Variants in MECOM observed in about 807,000 individuals in gnomAD.
MECOM encodes histone-lysine N-methyltransferase MECOM.
In MECOM, 13 loss-of-function variants were observed where a neutral mutation model predicts 116.3. The ratio of observed to expected loss-of-function variants is 0.11; its 90% CI spans 0.07 to 0.18. The LOEUF (loss-of-function observed/expected upper bound fraction) is 0.18, where lower values mean the gene tolerates loss of function less well. Ranked by LOEUF, MECOM falls within the 10% of genes least tolerant of loss-of-function variation. The pLI, the probability that MECOM is intolerant of heterozygous loss-of-function variation, is 1.00. For synonymous variants in MECOM, 528 were observed against 535.2 expected (o/e 0.99, Z 0.19); for missense variants, 1,299 against 1,509.0 (o/e 0.86, Z 2.31).
chr3:169,385,484 T>G (rs1318949900), intron 1 of MECOM, among the ~76,000 whole-genome samples: 1 of 152,050 alleles, frequency 6.6e-6, no homozygotes, highest in Non-Finnish European at 1.5e-5. Flanking sequence ...TCATCCAAAT[T>G]AAATGTAAAA....
intron 1 of MECOM, among the ~76,000 whole-genome samples, chr3:169,615,949 C>T (rs754571003): frequency 5.3e-5 from 8 of 152,220 alleles, no homozygotes; most frequent in Non-Finnish European, 1.0e-4. Flanking sequence ...AAAGTGTTAT[C>T]TCAAGTTTCA....
At chr3:169,628,259 G>T (rs1771627854) in intron 1 of MECOM, among the ~76,000 whole-genome samples, 1 of 152,056 alleles carries the variant, frequency 6.6e-6, no homozygotes, top group African/African-American at 2.4e-5. Flanking sequence ...TCATTAAAGA[G>T]GTTCTAAATG....
At chr3:169,183,119 A>T (rs1746192890) in intron 2 of MECOM, among the ~76,000 whole-genome samples, 1 of 152,198 alleles carries the variant, frequency 6.6e-6, no homozygotes, top group African/African-American at 2.4e-5. Context: ...AGGTAATGCA[A>T]GTCAAGCATA....
chr3:169,268,592 G>T (rs532050979), intron 2 of MECOM, among the ~76,000 whole-genome samples: 1 of 152,314 alleles, frequency 6.6e-6, no homozygotes, highest in South Asian at 2.1e-4. Context: ...GAACAAGCTT[G>T]CTAAAGCAAA....
At chr3:169,528,290 T>C (rs1353550249) in intron 1 of MECOM, among the ~76,000 whole-genome samples, 1 of 152,242 alleles carries the variant, frequency 6.6e-6, no homozygotes. Context: ...GAGACTCTAA[T>C]ATCCATGTCT....
intron 1 of MECOM, among the ~76,000 whole-genome samples, chr3:169,661,314 C>G (rs895336380): frequency 6.6e-6 from 1 of 150,690 alleles, no homozygotes; most frequent in African/African-American, 2.4e-5. Context: ...CTCCCCCCCC[C>G]ACACACACAC....
chr3:169,663,199 G>T, intron 1 of MECOM, 137 bp downstream of exon 1: 1 of 972,956 alleles, frequency 1.0e-6, no homozygotes, highest in Non-Finnish European at 1.6e-6. Context: ...CAGGTTGCTG[G>T]GGCTGCGCTC....
At chr3:169,438,601 C>A (rs1249459212) in intron 1 of MECOM, among the ~76,000 whole-genome samples, 1 of 152,182 alleles carries the variant, frequency 6.6e-6, no homozygotes, top group African/African-American at 2.4e-5. Flanking sequence ...TTCTGACCTG[C>A]CCCATGCTCT....
intron 3 of MECOM, among the ~76,000 whole-genome samples, chr3:169,139,776 T>C (rs2149263158): frequency 6.6e-6 from 1 of 152,112 alleles, no homozygotes; most frequent in Non-Finnish European, 1.5e-5. Flanking sequence ...GCCCTGGTTC[T>C]GATCCAGGCG....
At chr3:169,235,131 G>A (rs559411135) in intron 2 of MECOM, among the ~76,000 whole-genome samples, 120 of 152,272 alleles carry the variant, frequency 7.9e-4, no homozygotes, top group African/African-American at 2.6e-3. Flanking sequence ...GTTTGGTAGA[G>A]ACTAAACTCT....
chr3:169,407,322 C>A (rs1392360229), intron 1 of MECOM, among the ~76,000 whole-genome samples: 1 of 152,152 alleles, frequency 6.6e-6, no homozygotes, highest in Non-Finnish European at 1.5e-5. Flanking sequence ...TTGGTTCAAC[C>A]AACTCCAGGT....
At chr3:169,457,558 C>T (rs1053200424) in intron 1 of MECOM, among the ~76,000 whole-genome samples, 1 of 152,082 alleles carries the variant, frequency 6.6e-6, no homozygotes, top group African/African-American at 2.4e-5. Context: ...ACAGAACATA[C>T]ATAAAAGACA....
chr3:169,086,572 A>G (rs1485906643), intron 16 of MECOM: 1 of 701,444 alleles, frequency 1.4e-6, no homozygotes, highest in Admixed American at 2.0e-5. Context: ...CCTCCTATAA[A>G]ACAGATGATA....
At chr3:169,148,056 T>C (rs1740451573) in intron 2 of MECOM, among the ~76,000 whole-genome samples, 1 of 152,176 alleles carries the variant, frequency 6.6e-6, no homozygotes, top group African/African-American at 2.4e-5. Flanking sequence ...TACTCTAATT[T>C]ATTCCCTTCA....
At chr3:169,511,706 T>C (rs2109028204) in intron 1 of MECOM, among the ~76,000 whole-genome samples, 1 of 151,778 alleles carries the variant, frequency 6.6e-6, no homozygotes, top group Admixed American at 6.5e-5. Context: ...GAGGCGGAGG[T>C]TGTAGTGAGC....
intron 2 of MECOM, among the ~76,000 whole-genome samples, chr3:169,344,194 T>C (rs933210097): frequency 6.6e-5 from 10 of 152,124 alleles, no homozygotes; most frequent in Non-Finnish European, 1.5e-4. Flanking sequence ...CTATACTGCG[T>C]GTGTATGGAT....
chr3:169,155,179 G>T (rs1203070405), intron 2 of MECOM, among the ~76,000 whole-genome samples: 1 of 152,134 alleles, frequency 6.6e-6, no homozygotes, highest in African/African-American at 2.4e-5. Flanking sequence ...AGCAAAGTTG[G>T]TTACTTAACA....
chr3:169,499,030 C>G (rs1021645190), intron 1 of MECOM, among the ~76,000 whole-genome samples: 1 of 151,674 alleles, frequency 6.6e-6, no homozygotes, highest in Non-Finnish European at 1.5e-5. Flanking sequence ...ATAAATCTCA[C>G]AGAATGTAAA....
At chr3:169,431,207 C>T (rs984221270) in intron 1 of MECOM, among the ~76,000 whole-genome samples, 2 of 152,092 alleles carry the variant, frequency 1.3e-5, no homozygotes, top group Non-Finnish European at 2.9e-5. Context: ...TTAGACAAAC[C>T]CAAAGTCATT....
Sources: allele counts gnomAD v4.1 joint callset (sites outside exome capture counted in the v4.1 genomes callset), GRCh38; gene constraint gnomAD v4.1.1; transcripts MANE v1.5; gene names NCBI Gene and HGNC (gene_info 2026-07-23, HGNC 2026-07-21).